The following ARIH1 variants were observed in gnomAD, a reference collection of about 807,000 sequenced individuals.
The protein encoded by ARIH1 is ariadne RBR E3 ubiquitin protein ligase 1.
In ARIH1, 8 loss-of-function variants were observed where a neutral mutation model predicts 85.0. The observed-to-expected ratio is 0.09, with a 90% CI of 0.06 to 0.17. The LOEUF (loss-of-function observed/expected upper bound fraction) is 0.17. Among genes scored for constraint, ARIH1 ranks in the 10% least tolerant of loss-of-function variants. The probability of loss-of-function intolerance (pLI) is 1.00; values close to 1 mark genes in which losing one functional copy is unlikely to be tolerated. For synonymous variants in ARIH1, 238 were observed against 253.6 expected, an observed-to-expected ratio of 0.94 and a Z score of 0.59; for missense variants, 311 against 718.1, an observed-to-expected ratio of 0.43 and a Z score of 6.48.
chr15:72,536,941 C>T (rs1255028987), intron 2 of ARIH1, among the ~76,000 whole-genome samples: 1 of 152,076 alleles, frequency 6.6e-6, no homozygotes, highest in East Asian at 1.9e-4. Context: ...CTTATGGCCT[C>T]AAAAAGTATT....
chr15:72,588,146 C>T lies in ARIH1; in HGVS notation c.*4854C>T, dbSNP rs560319491. 3 of 152,166 alleles carry T rather than the reference C, an allele frequency of 2.0e-5. No homozygotes were observed. Among genetic ancestry groups the T allele is most frequent in the African/African-American group, 7.2e-5 (3 of 41,512 alleles). The allele number at this position is 152,166 out of a possible 1,614,324, so 9.4% of individuals were successfully genotyped here. A position where few individuals can be genotyped will look rare whatever the true frequency, so the allele number is the denominator to read the frequency against. ...CTCAAACTGAAATGTCAACAAGAGC[C>T]AAGTAAATATTTTAGAAATAGAGTA... On this transcript the variant is annotated 3_prime_UTR_variant, in exon 14 of 14. Transcript: ENST00000379887.
Position 72,567,195 on chromosome 15 carries a change from G to T in ARIH1, c.1026+18G>T. The T allele has an allele frequency of 1.3e-6, 2 of 1,588,020 alleles. No homozygotes were observed. The highest frequency in any genetic ancestry group is 1.7e-6 in the Non-Finnish European group (2 of 1,161,774). On this transcript the variant is annotated intron_variant, in intron 9 of 13. Transcript: ENST00000379887. ...ACACAAAGGTTGGTGTTTTCCTTCA[G>T]TAACTCTTGGTAATAAAAATGATAA...
chr15:72,507,055 C>T (rs1205443621), intron 1 of ARIH1, among the ~76,000 whole-genome samples: 1 of 151,990 alleles, frequency 6.6e-6, no homozygotes, highest in Non-Finnish European at 1.5e-5. Flanking sequence ...CGCAGTCGTG[C>T]CCTGTCGCCC....
At chr15:72,477,882 T>G (rs2063800702) in intron 1 of ARIH1, among the ~76,000 whole-genome samples, 1 of 152,142 alleles carries the variant, frequency 6.6e-6, no homozygotes, top group African/African-American at 2.4e-5. Flanking sequence ...CTCAGCTTAC[T>G]GCAACCTCTC....
rs555739123 is a variant in ARIH1 at position 72,505,902 on chromosome 15, TTTTTTG to T, written c.376-12163_376-12158del. 5.9e-5 allele frequency among the ~76,000 whole-genome samples: 9 copies of T among 152,096 alleles called. No homozygotes were observed. In the South Asian group the frequency reaches 1.9e-3, roughly 32 times the overall value. ...AGGCTCGTGCCACCATAGCGGGTAA[TTTTTTG>T]TGTTTTTAGTAGAGATGGGGTTTCA... On this transcript the variant is annotated intron_variant, in intron 1 of 13. Transcript: ENST00000379887.
At chr15:72,564,557 T>G (rs2064210983) in intron 7 of ARIH1, among the ~76,000 whole-genome samples, 1 of 152,214 alleles carries the variant, frequency 6.6e-6, no homozygotes, top group Non-Finnish European at 1.5e-5. Flanking sequence ...CAGCCTCTAC[T>G]TACTACCTAG....
chr15:72,566,731 G>C (rs1481406685), intron 8 of ARIH1, 126 bp downstream of exon 8: 2 of 818,462 alleles, frequency 2.4e-6, no homozygotes, highest in East Asian at 5.2e-5. Context: ...TTTAATTTCA[G>C]ATGATCATTA....
intron 2 of ARIH1, 106 bp from the exon 3 acceptor site, chr15:72,544,714 A>G: frequency 9.7e-7 from 1 of 1,028,954 alleles, no homozygotes; most frequent in Non-Finnish European, 1.4e-6. Context: ...ATCTTGTTTT[A>G]TTTTAATTCA....
chr15:72,529,849 G>A (rs1326590519), intron 2 of ARIH1, among the ~76,000 whole-genome samples: 1 of 152,140 alleles, frequency 6.6e-6, no homozygotes, highest in African/African-American at 2.4e-5. Context: ...AGGGGAAATG[G>A]TTGGAAATGT....
At position 72,594,408 on chromosome 15, in the gene ARIH1, T is replaced by G. The variant is rs2081454925; in HGVS notation, c.*11116T>G. On this transcript the variant is annotated 3_prime_UTR_variant, in exon 14 of 14. Transcript: ENST00000379887. ...TGGTCTCGAGCTCCTGACCTCGTGA[T>G]CCAACCACCTTGGCCTCCCAAAGTG... 6.6e-6 allele frequency: 1 copy of G among 152,194 alleles called. No homozygotes were observed. The highest frequency in any genetic ancestry group is 2.4e-5 in the African/African-American group (1 of 41,448). The allele number at this position is 152,194 out of a possible 1,614,324, so 9.4% of individuals were successfully genotyped here. A position where few individuals can be genotyped will look rare whatever the true frequency, so the allele number is the denominator to read the frequency against.
chr15:72,577,332 T>C (rs977088114), intron 11 of ARIH1, among the ~76,000 whole-genome samples: 6 of 152,106 alleles, frequency 3.9e-5, no homozygotes, highest in Admixed American at 3.3e-4. Context: ...AAAAAAGTTA[T>C]TTTAAAAAAT....
chr15:72,530,473 T>C (rs1193974838), intron 2 of ARIH1, among the ~76,000 whole-genome samples: 1 of 152,248 alleles, frequency 6.6e-6, no homozygotes, highest in Non-Finnish European at 1.5e-5. Flanking sequence ...ATGATCTTCA[T>C]GTCTTTTGGG....
chr15:72,474,623 C>A lies in ARIH1; in HGVS notation c.-17C>A. The A allele has an allele frequency of 6.6e-7, 1 of 1,507,746 alleles. No individual in the cohort carries two copies. The highest frequency in any genetic ancestry group is 8.9e-7 in the Non-Finnish European group (1 of 1,129,470). The allele number at this position is 1,507,746 out of a possible 1,614,324, so 93.4% of individuals were successfully genotyped here. A position where few individuals can be genotyped will look rare whatever the true frequency, so the allele number is the denominator to read the frequency against. On this transcript the variant is annotated 5_prime_UTR_variant, in exon 1 of 14. Transcript: ENST00000379887. The stretch of plus-strand genomic sequence containing the variant: ...CCCGCCTCGGCCAGCGTCCGCCGGG[C>A]CCCCGCGCGTCGCGCCATGGACTCG...
intron 2 of ARIH1, among the ~76,000 whole-genome samples, chr15:72,544,598 T>G (rs970434293): frequency 6.6e-6 from 1 of 151,866 alleles, no homozygotes; most frequent in African/African-American, 2.4e-5. Flanking sequence ...GTAGACTGAA[T>G]TTTTGCTGTT....
At position 72,598,123 on chromosome 15, in the gene ARIH1, AT is replaced by A. The variant is rs547400904; in HGVS notation, c.*14836del. On this transcript the variant is annotated 3_prime_UTR_variant, in exon 14 of 14. Transcript: ENST00000379887. ...AGGCGTGTACCACCACACCCGGCTA[AT>A]TTTTGTATTTTTTGTTGAGATAGGG... is the stretch of plus-strand genomic sequence containing the variant. 102 of 151,954 alleles carry A rather than the reference AT, an allele frequency of 6.7e-4. No individual in the cohort carries two copies. The highest frequency in any genetic ancestry group is 2.3e-3 in the African/African-American group (94 of 41,406). 9.4% of individuals were successfully genotyped at this position (151,954 alleles called of 1,614,324 possible). A position where few individuals can be genotyped will look rare whatever the true frequency, so the allele number is the denominator to read the frequency against.
chr15:72,600,350 T>G lies in ARIH1; in HGVS notation c.*17058T>G, dbSNP rs1317263581. The stretch of plus-strand genomic sequence containing the variant: ...TCCATCTGTGACACAAGAAACATGT[T>G]CTATGTGATTTCTGGGATTTTCCTG... On this transcript the variant is annotated 3_prime_UTR_variant, in exon 14 of 14. Coordinates refer to ENST00000379887, the MANE Select transcript of ARIH1 (RefSeq NM_005744.5). The G allele has an allele frequency of 6.6e-6, 1 of 152,204 alleles. No homozygotes were observed. The highest frequency in any genetic ancestry group is 1.5e-5 in the Non-Finnish European group (1 of 68,038). The allele number at this position is 152,204 out of a possible 1,614,324, so 9.4% of individuals were successfully genotyped here.
intron 1 of ARIH1, among the ~76,000 whole-genome samples, chr15:72,500,058 T>C (rs2063896272): frequency 6.6e-6 from 1 of 152,062 alleles, no homozygotes. Flanking sequence ...CTGCATTCAC[T>C]GTTGGTGATA....
intron 1 of ARIH1, among the ~76,000 whole-genome samples, chr15:72,503,057 C>T (rs2063910134): frequency 6.6e-6 from 1 of 152,162 alleles, no homozygotes; most frequent in African/African-American, 2.4e-5. Flanking sequence ...TGTGGATTGT[C>T]TCCCTTAGCC....
chr15:72,579,196 C>A (rs1168779280), intron 11 of ARIH1, among the ~76,000 whole-genome samples: 1 of 152,116 alleles, frequency 6.6e-6, no homozygotes, highest in African/African-American at 2.4e-5. Flanking sequence ...TCTCTTCCCC[C>A]CTCCTTGCTT....
Sources: gnomAD v4.1 joint callset for allele counts (sites outside exome capture counted in the v4.1 genomes callset) on GRCh38, gnomAD v4.1.1 for gene constraint, MANE v1.5 for transcripts, NCBI Gene and HGNC (gene_info 2026-07-23, HGNC 2026-07-21) for gene names.